OSBPL11: variants seen among roughly 807,000 people sequenced by gnomAD.
OSBPL11 encodes the protein oxysterol-binding protein-related protein 11.
In OSBPL11, 33 loss-of-function variants were observed where a neutral mutation model predicts 84.4. The observed-to-expected ratio is 0.39, with a 90% CI of 0.30 to 0.52. The LOEUF is 0.52. Among genes scored for constraint, OSBPL11 ranks in the 20% least tolerant of loss-of-function variants. The pLI, the probability that OSBPL11 is intolerant of heterozygous loss-of-function variation, is 0.72. For synonymous variants in OSBPL11, 276 were observed against 310.2 expected (o/e 0.89, Z 1.16); for missense variants, 736 against 901.1 (o/e 0.82, Z 2.35).
intron 11 of OSBPL11, among the ~76,000 whole-genome samples, chr3:125,534,463 A>G (rs1334094638): frequency 6.6e-6 from 1 of 152,028 alleles, no homozygotes; most frequent in Non-Finnish European, 1.5e-5. Flanking sequence ...AAGAATTAAA[A>G]TCATACAAAG....
At chr3:125,574,609 A>G (rs1011488835) in intron 5 of OSBPL11, among the ~76,000 whole-genome samples, 1 of 152,136 alleles carries the variant, frequency 6.6e-6, no homozygotes. Context: ...GAGGTTATCA[A>G]TTAAAAAAAG....
At chr3:125,557,840 C>T (rs1936014800) in intron 8 of OSBPL11, among the ~76,000 whole-genome samples, 1 of 138,282 alleles carries the variant, frequency 7.2e-6, no homozygotes, top group South Asian at 2.2e-4. Context: ...CTCCGTTGAC[C>T]AGGCTGGCAG....
At chr3:125,584,174 G>A (rs1427018452) in intron 1 of OSBPL11, among the ~76,000 whole-genome samples, 1 of 152,100 alleles carries the variant, frequency 6.6e-6, no homozygotes, top group East Asian at 1.9e-4. Flanking sequence ...AGACCAGCCT[G>A]GCCAACATGG....
intron 10 of OSBPL11, among the ~76,000 whole-genome samples, chr3:125,541,528 G>C (rs1241016905): frequency 6.6e-6 from 1 of 152,134 alleles, no homozygotes; most frequent in Non-Finnish European, 1.5e-5. Context: ...CATTTCTGTA[G>C]ATGAAGACAC....
intron 10 of OSBPL11, among the ~76,000 whole-genome samples, chr3:125,540,781 A>G (rs1935718352): frequency 6.6e-6 from 1 of 152,162 alleles, no homozygotes; most frequent in African/African-American, 2.4e-5. Flanking sequence ...ACTGCTGGGT[A>G]TTACAGGGTC....
chr3:125,554,435 G>A (rs1179111302), intron 8 of OSBPL11, among the ~76,000 whole-genome samples: 2 of 152,096 alleles, frequency 1.3e-5, no homozygotes, highest in Non-Finnish European at 2.9e-5. Context: ...CTGACACCAA[G>A]TCTCCCAACA....
In OSBPL11 at chr3:125,594,702, G is replaced by A. The variant is rs1936653219; in HGVS notation, c.99C>T (p.Ser33=). Residue 33 remains serine (S), a synonymous_variant, in exon 1 of 13, where the codon AGC becomes AGT. Transcript: ENST00000296220. ...TGCTGCTACTGATTCCACCTCCACA[G>A]CTGCTGTTCTTGTTCGGGGTCACCG... ...ATAVTPNKNS[S]CGGGISSSSS... is the part of the protein sequence containing the mutation. 3 of 1,614,164 alleles carry A rather than the reference G, an allele frequency of 1.9e-6. No individual in the cohort carries two copies. Among genetic ancestry groups the A allele is most frequent in the Non-Finnish European group, 1.7e-6 (2 of 1,180,044 alleles).
rs774027543 is a variant in OSBPL11 at position 125,563,701 on chromosome 3, C to G, written c.1011G>C (p.Ala337=). 6.2e-7 allele frequency: 1 copy of G among 1,613,858 alleles called. No individual in the cohort carries two copies. The highest frequency in any genetic ancestry group is 2.2e-5 in the East Asian group (1 of 44,890). The change falls in exon 7 of 13, where the codon GCG becomes GCC. Residue 337 remains alanine, a synonymous_variant. Transcript: ENST00000296220. ...EQPVAESGLL[A]REPEEINADD... ...TCATATTTTTATATTACCTTACCCTCGCTAATAGTCCAGATTCTGCAACAG... is the reference window on the plus strand; with the variant it reads ...TCATATTTTTATATTACCTTACCCTGGCTAATAGTCCAGATTCTGCAACAG...
At chr3:125,592,429 G>A (rs532837622) in intron 1 of OSBPL11, among the ~76,000 whole-genome samples, 1 of 152,086 alleles carries the variant, frequency 6.6e-6, no homozygotes, top group Non-Finnish European at 1.5e-5. Context: ...AGTTTTCTGT[G>A]TGTCAAAAAA....
Position 125,567,436 on chromosome 3 carries a change from G to C in OSBPL11, c.826C>G (p.Gln276Glu). ...NCLNDCFHILQLQHASHQKGS... is the reference protein window; with the variant it reads ...NCLNDCFHILELQHASHQKGS... ...TTCTGATGTGATGCATGCTGTAACT[G>C]GAGAATATGAAAGCAGTCATTTAAG... Residue 276 changes from glutamine (Q) to glutamate (E), a missense_variant, in exon 6 of 13, where the codon CAG (glutamine) becomes GAG (glutamate). This residue lies in a region of OSBPL11 where 579 missense variants were observed against 717.6 expected (regional missense o/e 0.81). Coordinates refer to ENST00000296220, the MANE Select transcript of OSBPL11 (RefSeq NM_022776.5). The C allele has an allele frequency of 6.2e-7, 1 of 1,614,128 alleles. No homozygotes were observed. Among genetic ancestry groups the C allele is most frequent in the Non-Finnish European group, 8.5e-7 (1 of 1,179,996 alleles).
intron 1 of OSBPL11, among the ~76,000 whole-genome samples, chr3:125,583,854 G>A (rs576603676): frequency 5.9e-5 from 9 of 152,138 alleles, no homozygotes; most frequent in South Asian, 4.1e-4. Context: ...GGCCCAGGTC[G>A]CAATCAAGTT....
At chr3:125,582,818 G>A (rs1936448853) in intron 2 of OSBPL11, 92 bp downstream of exon 2, 8 of 948,648 alleles carry the variant, frequency 8.4e-6, no homozygotes, top group South Asian at 4.8e-5. Context: ...TCCCAGCCAT[G>A]TCTGTCTAAA....
chr3:125,534,255 C>T (rs1024337344), intron 11 of OSBPL11, among the ~76,000 whole-genome samples: 34 of 151,960 alleles, frequency 2.2e-4, no homozygotes, highest in Non-Finnish European at 2.6e-4. Context: ...TGGTGGCACA[C>T]GCCTGTAGTC....
chr3:125,576,705 A>T (rs1936330342), intron 4 of OSBPL11, among the ~76,000 whole-genome samples: 2 of 150,036 alleles, frequency 1.3e-5, no homozygotes, highest in African/African-American at 4.9e-5. Flanking sequence ...TCTTTTTGAG[A>T]CTGAGTCTCA....
chr3:125,584,369 CA>C (rs1473838516), intron 1 of OSBPL11, among the ~76,000 whole-genome samples: 2 of 151,966 alleles, frequency 1.3e-5, no homozygotes, highest in East Asian at 3.9e-4. Flanking sequence ...CCATCATAAA[CA>C]AAAACAAAAA....
intron 9 of OSBPL11, among the ~76,000 whole-genome samples, chr3:125,550,025 C>T (rs1179335006): frequency 6.6e-6 from 1 of 151,944 alleles, no homozygotes; most frequent in African/African-American, 2.4e-5. Context: ...TTAAGGCTAA[C>T]GTGACGGAGC....
chr3:125,552,160 T>A lies in OSBPL11; in HGVS notation c.1654+21A>T, dbSNP rs755334451. The A allele has an allele frequency of 2.7e-4, 351 of 1,302,144 alleles. 2 individuals carry two copies. Among genetic ancestry groups the A allele is most frequent in the Admixed American group, 7.8e-4 (32 of 41,040 alleles). The allele number at this position is 1,302,144 out of a possible 1,614,324, so 80.7% of individuals were successfully genotyped here. On this transcript the variant is annotated intron_variant, in intron 9 of 12. Coordinates refer to ENST00000296220, the MANE Select transcript of OSBPL11 (RefSeq NM_022776.5). ...GTGTGTGTATATATATATATATATA[T>A]AAAATAATTTTTCTACTTACCTTCT... is the stretch of plus-strand genomic sequence containing the variant.
At chr3:125,585,703 T>C (rs1401038056) in intron 1 of OSBPL11, among the ~76,000 whole-genome samples, 1 of 152,202 alleles carries the variant, frequency 6.6e-6, no homozygotes, top group African/African-American at 2.4e-5. Context: ...AAACATCCTA[T>C]TCTTTGGAAC....
intron 1 of OSBPL11, among the ~76,000 whole-genome samples, chr3:125,584,359 C>T (rs1936475511): frequency 6.6e-6 from 1 of 152,070 alleles, no homozygotes; most frequent in Admixed American, 6.6e-5. Flanking sequence ...GAGTGAGACT[C>T]CATCATAAAC....
Sources: allele counts gnomAD v4.1 joint callset (sites outside exome capture counted in the v4.1 genomes callset), GRCh38; gene constraint gnomAD v4.1.1; regional missense constraint gnomAD v4.1.1; transcripts MANE v1.5; gene names NCBI Gene and HGNC (gene_info 2026-07-23, HGNC 2026-07-21).